SLC10A7: variants seen among roughly 807,000 people sequenced by gnomAD.
SLC10A7 encodes the protein sodium/bile acid cotransporter 7.
Under a neutral mutation model 43.2 loss-of-function variants are expected in SLC10A7, and 29 were observed. The observed-to-expected ratio is 0.67, with a 90% CI of 0.50 to 0.92. SLC10A7 has a LOEUF of 0.92. SLC10A7 is among the 40% of genes least tolerant of loss of function. The pLI is 0.00. For missense variants in SLC10A7, 295 were observed against 403.2 expected, an observed-to-expected ratio of 0.73 and a Z score of 2.30; for synonymous variants, 152 against 144.8, an observed-to-expected ratio of 1.05 and a Z score of -0.35.
At chr4:146,434,594 C>T (rs1414476052) in intron 5 of SLC10A7, among the ~76,000 whole-genome samples, 1 of 152,154 alleles carries the variant, frequency 6.6e-6, no homozygotes, top group Non-Finnish European at 1.5e-5. Flanking sequence ...GATGGAGTCT[C>T]GCTCTGTCGC....
chr4:146,417,950 C>CCT (rs1359630183), intron 5 of SLC10A7, among the ~76,000 whole-genome samples: 1 of 151,904 alleles, frequency 6.6e-6, no homozygotes, highest in Non-Finnish European at 1.5e-5. Context: ...AGGACTCTCT[C>CCT]CTCTCTCTCC....
chr4:146,277,929 A>G (rs1306344478), intron 10 of SLC10A7, among the ~76,000 whole-genome samples: 1 of 152,198 alleles, frequency 6.6e-6, no homozygotes, highest in African/African-American at 2.4e-5. Context: ...AGGAGCAATT[A>G]CATTTGTTAA....
chr4:146,306,765 T>C (rs1479540055), intron 6 of SLC10A7, among the ~76,000 whole-genome samples: 1 of 152,170 alleles, frequency 6.6e-6, no homozygotes, highest in Non-Finnish European at 1.5e-5. Flanking sequence ...CTATGGAACT[T>C]TTCAGTGTTT....
At chr4:146,264,276 T>G (rs1199496468) in intron 10 of SLC10A7, among the ~76,000 whole-genome samples, 1 of 152,244 alleles carries the variant, frequency 6.6e-6, no homozygotes, top group Non-Finnish European at 1.5e-5. Flanking sequence ...CAATAATAAC[T>G]ACTTTCTATT....
chr4:146,395,887 A>G (rs11100924), intron 5 of SLC10A7, among the ~76,000 whole-genome samples: 35,950 of 152,052 alleles, frequency 0.24, 4,653 homozygotes, highest in African/African-American at 0.34. Context: ...TTTGAACTCT[A>G]TAGAACTTAG....
chr4:146,497,453 A>G (rs1383276685), intron 4 of SLC10A7, among the ~76,000 whole-genome samples: 1 of 151,842 alleles, frequency 6.6e-6, no homozygotes, highest in East Asian at 1.9e-4. Flanking sequence ...GAAGGCAGAC[A>G]CTCCTTAATT....
At chr4:146,519,857 T>C (rs1182525521) in intron 1 of SLC10A7, among the ~76,000 whole-genome samples, 2 of 152,210 alleles carry the variant, frequency 1.3e-5, no homozygotes, top group Admixed American at 1.3e-4. Context: ...CTTAACATTC[T>C]ATTATAATTA....
At chr4:146,355,168 C>A (rs1449422511) in intron 5 of SLC10A7, among the ~76,000 whole-genome samples, 1 of 150,576 alleles carries the variant, frequency 6.6e-6, no homozygotes, top group Non-Finnish European at 1.5e-5. Context: ...CCAGAATCTA[C>A]AATGAACTCA....
At chr4:146,257,295 G>A (rs1727943457) in intron 11 of SLC10A7, among the ~76,000 whole-genome samples, 1 of 152,212 alleles carries the variant, frequency 6.6e-6, no homozygotes, top group Admixed American at 6.5e-5. Context: ...GCCTGGAGTG[G>A]TACCCAGCAT....
At chr4:146,511,048 T>C (rs1441649015) in intron 2 of SLC10A7, among the ~76,000 whole-genome samples, 1 of 152,190 alleles carries the variant, frequency 6.6e-6, no homozygotes, top group East Asian at 1.9e-4. Context: ...ATCCCTGTTT[T>C]ACCGATGAAG....
chr4:146,383,005 C>T (rs1737740777), intron 5 of SLC10A7, among the ~76,000 whole-genome samples: 1 of 152,018 alleles, frequency 6.6e-6, no homozygotes, highest in South Asian at 2.1e-4. Context: ...TCATGCATGG[C>T]TCCCCGATTT....
chr4:146,473,716 A>T (rs189751668), intron 4 of SLC10A7, among the ~76,000 whole-genome samples: 33 of 150,810 alleles, frequency 2.2e-4, no homozygotes, highest in East Asian at 1.5e-3. Context: ...CAAGTATTTT[A>T]AAAAAAAATG....
At chr4:146,357,777 C>A in intron 5 of SLC10A7, among the ~76,000 whole-genome samples, 1 of 152,020 alleles carries the variant, frequency 6.6e-6, no homozygotes, top group East Asian at 1.9e-4. Context: ...AAAGAGTACC[C>A]GGAAGTGAGG....
intron 4 of SLC10A7, among the ~76,000 whole-genome samples, chr4:146,467,070 G>C (rs1175482477): frequency 1.3e-5 from 2 of 152,152 alleles, no homozygotes; most frequent in African/African-American, 2.4e-5. Flanking sequence ...CAGAGGCTAA[G>C]AGCTTGCTAA....
intron 10 of SLC10A7, among the ~76,000 whole-genome samples, chr4:146,274,740 C>T (rs556003554): frequency 3.9e-5 from 6 of 152,110 alleles, no homozygotes; most frequent in South Asian, 4.2e-4. Context: ...AATTAGGGTC[C>T]GGGCCTACTG....
At chr4:146,445,174 C>G (rs184361979) in intron 4 of SLC10A7, among the ~76,000 whole-genome samples, 1 of 152,238 alleles carries the variant, frequency 6.6e-6, no homozygotes, top group East Asian at 1.9e-4. Flanking sequence ...TCTCCTTGCT[C>G]CCTGGCCTGA....
intron 2 of SLC10A7, chr4:146,513,772 G>A (rs1737694653): frequency 6.6e-6 from 1 of 152,056 alleles, no homozygotes; most frequent in Non-Finnish European, 1.5e-5. Context: ...GATAAAACAA[G>A]GTAATAAAAG....
At chr4:146,386,287 G>A (rs532004134) in intron 5 of SLC10A7, among the ~76,000 whole-genome samples, 68 of 152,252 alleles carry the variant, frequency 4.5e-4, no homozygotes, top group Non-Finnish European at 7.1e-4. Flanking sequence ...ACTGGTGTGA[G>A]TTGGTATCTC....
intron 6 of SLC10A7, among the ~76,000 whole-genome samples, chr4:146,310,146 T>A (rs773666958): frequency 6.6e-6 from 1 of 152,154 alleles, no homozygotes; most frequent in African/African-American, 2.4e-5. Flanking sequence ...GCAAAGGACA[T>A]GATTTTGTTC....
Sources: allele counts gnomAD v4.1 joint callset (sites outside exome capture counted in the v4.1 genomes callset), GRCh38; gene constraint gnomAD v4.1.1; transcripts MANE v1.5; gene names NCBI Gene and HGNC (gene_info 2026-07-23, HGNC 2026-07-21).